HDAC9: variants seen among roughly 807,000 people sequenced by gnomAD.
HDAC9 encodes the protein histone deacetylase 9.
A neutral mutation model predicts 139.4 loss-of-function variants in HDAC9; 41 were observed. That is an observed-to-expected ratio of 0.29 (90% CI 0.23 to 0.38). The LOEUF is 0.38. HDAC9 is among the 10% of genes least tolerant of loss of function. HDAC9 has a pLI of 1.00. For synonymous variants in HDAC9, 517 were observed against 476.2 expected (o/e 1.09, Z -1.12); for missense variants, 1,147 against 1,297.0 (o/e 0.88, Z 1.78).
intron 1 of HDAC9, among the ~76,000 whole-genome samples, chr7:18,484,173 C>CAAA (rs1177599086): frequency 6.3e-5 from 4 of 63,244 alleles, no homozygotes; most frequent in African/African-American, 1.1e-4. Flanking sequence ...CCTTATCTCT[C>CAAA]AAAAAAAAAA....
At chr7:18,287,354 A>G (rs373170307), upstream of HDAC9, among the ~76,000 whole-genome samples, 10 of 152,180 alleles carry the variant, frequency 6.6e-5, no homozygotes, top group African/African-American at 1.9e-4. Context: ...TATAATTCCT[A>G]TATACAATAG....
At chr7:18,505,266 TTAA>T (rs1417530470) in intron 2 of HDAC9, among the ~76,000 whole-genome samples, 5 of 152,192 alleles carry the variant, frequency 3.3e-5, no homozygotes, top group African/African-American at 7.2e-5. Context: ...CAAATTATTA[TTAA>T]TGTATTTTGG....
chr7:18,628,547 C>T (rs911025335), intron 6 of HDAC9, among the ~76,000 whole-genome samples: 6 of 152,080 alleles, frequency 3.9e-5, no homozygotes, highest in African/African-American at 1.4e-4. Context: ...TTCCATTCTT[C>T]TAAAGTATAA....
In HDAC9 at chr7:18,145,816, G is replaced by C. The variant is rs370585825; in HGVS notation, c.-96-16413G>C. 1.3e-4 allele frequency among the ~76,000 whole-genome samples: 20 copies of C among 152,284 alleles called. No homozygotes were observed. The East Asian group carries it at 2.5e-3, about 19-fold the overall frequency. ...AGGTGAGTGAGGAAGTTCCTCTAAA[G>C]GAGAGCAAAGTAGCCTAGATAGTTT... On this transcript the variant is annotated intron_variant, in intron 1 of 12. Coordinates refer to the HDAC9 transcript ENST00000417496.
intron 23 of HDAC9, among the ~76,000 whole-genome samples, chr7:18,945,173 C>G (rs1005979322): frequency 3.9e-5 from 6 of 152,210 alleles, no homozygotes; most frequent in Non-Finnish European, 7.3e-5. Context: ...TTACACAGTT[C>G]TGTATCCTTC....
intron 15 of HDAC9, among the ~76,000 whole-genome samples, chr7:18,763,682 C>G (rs1285683609): frequency 1.3e-5 from 2 of 152,012 alleles, no homozygotes; most frequent in African/African-American, 4.8e-5. Context: ...CCCAACTAAC[C>G]AACAAGATGA....
intron 5 of HDAC9, among the ~76,000 whole-genome samples, chr7:18,591,937 C>A (rs1831114227): frequency 6.6e-6 from 1 of 152,102 alleles, no homozygotes; most frequent in African/African-American, 2.4e-5. Flanking sequence ...TATATATGTT[C>A]TTTGATGAAT....
intron 1 of HDAC9, among the ~76,000 whole-genome samples, chr7:18,366,091 A>AAAAT (rs4001157): frequency 0.32 from 48,887 of 151,746 alleles, 8,388 homozygotes; most frequent in East Asian, 0.45. Context: ...TTTTATTTGA[A>AAAAT]AAAATTCCCC....
intron 2 of HDAC9, among the ~76,000 whole-genome samples, chr7:18,247,995 G>C (rs1044695772): frequency 6.6e-6 from 1 of 152,114 alleles, no homozygotes; most frequent in Non-Finnish European, 1.5e-5. Context: ...GTCATGGGGA[G>C]AATATCTGAA....
At chr7:18,653,406 C>T (rs1226162556) in intron 11 of HDAC9, among the ~76,000 whole-genome samples, 2 of 152,130 alleles carry the variant, frequency 1.3e-5, no homozygotes, top group Middle Eastern at 3.4e-3. Flanking sequence ...CTTGCTTGCT[C>T]GCTTGTTCTC....
intron 7 of HDAC9, among the ~76,000 whole-genome samples, chr7:18,630,894 G>A (rs1426445808): frequency 6.6e-6 from 1 of 152,066 alleles, no homozygotes; most frequent in African/African-American, 2.4e-5. Context: ...TAATGTAAAT[G>A]TAGATAGGTG....
At chr7:18,587,591 A>G (rs922424126) in intron 3 of HDAC9, among the ~76,000 whole-genome samples, 1 of 152,182 alleles carries the variant, frequency 6.6e-6, no homozygotes, top group Admixed American at 6.5e-5. Flanking sequence ...GTAATAATCA[A>G]CATTTGTTGA....
At chr7:18,129,193 A>T (rs183008203) in intron 1 of HDAC9, among the ~76,000 whole-genome samples, 2 of 152,168 alleles carry the variant, frequency 1.3e-5, no homozygotes, top group Non-Finnish European at 2.9e-5. Flanking sequence ...AAATGTGAGT[A>T]TAATCCTCAT....
chr7:18,251,892 A>T lies in HDAC9; in HGVS notation c.25+89543A>T, dbSNP rs74997733. ...TAGAAACTTACTTTGTTATGGTTAGATGAGTTAAAGGAGGGAAATTAGATG... is the reference window on the plus strand; with the variant it reads ...TAGAAACTTACTTTGTTATGGTTAGTTGAGTTAAAGGAGGGAAATTAGATG... On this transcript the variant is annotated intron_variant, in intron 2 of 12. Transcript: ENST00000417496. Among the ~76,000 whole-genome samples the T allele has an allele frequency of 1.5e-3, 235 of 152,306 alleles. 3 individuals carry two copies. The East Asian group carries it at 0.02, about 13-fold the overall frequency.
At chr7:18,136,384 T>G (rs1282846698) in intron 1 of HDAC9, among the ~76,000 whole-genome samples, 1 of 152,202 alleles carries the variant, frequency 6.6e-6, no homozygotes, top group African/African-American at 2.4e-5. Context: ...TGCCCATGCC[T>G]GTGTCCTGAA....
chr7:18,609,130 C>T (rs2128901244), intron 6 of HDAC9, among the ~76,000 whole-genome samples: 1 of 152,126 alleles, frequency 6.6e-6, no homozygotes, highest in East Asian at 1.9e-4. Flanking sequence ...GGAGAGAATG[C>T]ATTAGCCTAT....
At chr7:18,847,143 A>G (rs1796962585) in intron 21 of HDAC9, among the ~76,000 whole-genome samples, 1 of 152,208 alleles carries the variant, frequency 6.6e-6, no homozygotes, top group African/African-American at 2.4e-5. Flanking sequence ...TGTTCCATCA[A>G]CATCAGCTCT....
At chr7:18,625,900 T>C (rs1423004014) in intron 6 of HDAC9, among the ~76,000 whole-genome samples, 9 of 123,016 alleles carry the variant, frequency 7.3e-5, no homozygotes, top group African/African-American at 3.0e-4. Flanking sequence ...TGAGCCAAGA[T>C]CGTACCACTA....
In HDAC9 at chr7:18,823,937, C is replaced by T. The variant is rs374978377; in HGVS notation, c.2323-5224C>T. Among the ~76,000 whole-genome samples, 346 of 151,366 alleles carry T rather than the reference C, an allele frequency of 2.3e-3. 11 individuals are homozygous for T. In the South Asian group the frequency reaches 0.069, roughly 30 times the overall value. Reference sequence around the variant, plus strand: ...AGACTGCAGTGAGCTGAGATGATGCCACTGCACTGCAGCCTGGGTGACAGG... The same window carrying T: ...AGACTGCAGTGAGCTGAGATGATGCTACTGCACTGCAGCCTGGGTGACAGG... On this transcript the variant is annotated intron_variant, in intron 17 of 25. Transcript: ENST00000686413.
Sources: gnomAD v4.1 joint callset for allele counts (sites outside exome capture counted in the v4.1 genomes callset) on GRCh38, gnomAD v4.1.1 for gene constraint, MANE v1.5 for transcripts, NCBI Gene and HGNC (gene_info 2026-07-23, HGNC 2026-07-21) for gene names.